GALNTL6: variants seen among roughly 807,000 people sequenced by gnomAD.
GALNTL6 encodes polypeptide N-acetylgalactosaminyltransferase-like 6.
Under a neutral mutation model 73.7 loss-of-function variants are expected in GALNTL6, and 46 were observed. The ratio of observed to expected loss-of-function variants is 0.62; its 90% confidence interval spans 0.49 to 0.80. The LOEUF is 0.80. Ranked by LOEUF, GALNTL6 falls within the 30% of genes least tolerant of loss-of-function variation. GALNTL6 has a pLI of 0.00. For synonymous variants in GALNTL6, 259 were observed against 263.7 expected (o/e 0.98, Z 0.17); for missense variants, 604 against 755.0 (o/e 0.80, Z 2.34).
At chr4:172,995,930 A>G (rs537776704) in intron 10 of GALNTL6, among the ~76,000 whole-genome samples, 4 of 152,340 alleles carry the variant, frequency 2.6e-5, no homozygotes, top group African/African-American at 9.6e-5. Flanking sequence ...CTGTTCCAAC[A>G]GGGCACTCAT....
At chr4:172,357,856 C>T (rs1331962539) in intron 5 of GALNTL6, among the ~76,000 whole-genome samples, 1 of 152,004 alleles carries the variant, frequency 6.6e-6, no homozygotes, top group African/African-American at 2.4e-5. Context: ...TTGACAGCTT[C>T]GACTTTTACA....
At chr4:172,069,448 A>T (rs149385055) in intron 2 of GALNTL6, among the ~76,000 whole-genome samples, 2,567 of 78,324 alleles carry the variant, frequency 0.033, 701 homozygotes, top group African/African-American at 0.097. Context: ...ATATATATGT[A>T]ATATATAACA....
intron 3 of GALNTL6, among the ~76,000 whole-genome samples, chr4:172,261,914 C>T (rs11934150): frequency 0.13 from 19,023 of 150,940 alleles, 1,295 homozygotes; most frequent in East Asian, 0.3. Context: ...TTACCATAAC[C>T]TGCTGTTATG....
chr4:172,601,455 A>T (rs1358809013), intron 5 of GALNTL6, among the ~76,000 whole-genome samples: 1 of 152,072 alleles, frequency 6.6e-6, no homozygotes, highest in Admixed American at 6.6e-5. Context: ...TGGATAAATC[A>T]CTGAAAATAG....
chr4:172,563,633 C>T (rs1253534118), intron 5 of GALNTL6, among the ~76,000 whole-genome samples: 3 of 152,168 alleles, frequency 2.0e-5, no homozygotes, highest in Non-Finnish European at 4.4e-5. Context: ...ATATTTTAAA[C>T]AGACAGTAGT....
chr4:171,888,618 C>G (rs1267266991), intron 2 of GALNTL6, among the ~76,000 whole-genome samples: 1 of 151,988 alleles, frequency 6.6e-6, no homozygotes, highest in Non-Finnish European at 1.5e-5. Flanking sequence ...TCTAAACAAG[C>G]CCTACCCACA....
chr4:172,948,963 T>C (rs1749306944), intron 9 of GALNTL6, among the ~76,000 whole-genome samples: 1 of 152,236 alleles, frequency 6.6e-6, no homozygotes, highest in Admixed American at 6.5e-5. Flanking sequence ...GCATTTATCA[T>C]GATCCTCTGA....
chr4:172,528,308 G>T (rs1281235848), intron 5 of GALNTL6, among the ~76,000 whole-genome samples: 1 of 130,896 alleles, frequency 7.6e-6, no homozygotes, highest in African/African-American at 3.0e-5. Flanking sequence ...CATTTGGCTT[G>T]CTAGAAATAA....
chr4:172,616,948 G>A (rs930951251), intron 5 of GALNTL6, among the ~76,000 whole-genome samples: 1 of 152,116 alleles, frequency 6.6e-6, no homozygotes, highest in Admixed American at 6.6e-5. Context: ...TTTCAGTGGA[G>A]GGACCTCTTA....
intron 9 of GALNTL6, among the ~76,000 whole-genome samples, chr4:172,943,322 T>C (rs1277872107): frequency 2.6e-5 from 4 of 152,268 alleles, no homozygotes; most frequent in South Asian, 4.1e-4. Context: ...TGGAAAAAGA[T>C]CTTCCAGCCC....
intron 3 of GALNTL6, among the ~76,000 whole-genome samples, chr4:172,263,525 T>C (rs1738325573): frequency 6.6e-6 from 1 of 151,360 alleles, no homozygotes; most frequent in Non-Finnish European, 1.5e-5. Context: ...ATATCCTGTA[T>C]TTTTTTAAAT....
At chr4:172,772,549 T>G (rs1019559995) in intron 5 of GALNTL6, among the ~76,000 whole-genome samples, 1 of 149,894 alleles carries the variant, frequency 6.7e-6, no homozygotes, top group Admixed American at 6.7e-5. Flanking sequence ...ACTGAGAAAT[T>G]TAGGGAAGTA....
At chr4:172,734,823 C>G (rs1280354142) in intron 5 of GALNTL6, among the ~76,000 whole-genome samples, 5 of 152,198 alleles carry the variant, frequency 3.3e-5, no homozygotes, top group African/African-American at 1.2e-4. Flanking sequence ...CCCAGCCGCT[C>G]CAGCCATGGC....
At chr4:172,725,031 G>A (rs867050064) in intron 5 of GALNTL6, among the ~76,000 whole-genome samples, 1 of 151,918 alleles carries the variant, frequency 6.6e-6, no homozygotes, top group South Asian at 2.1e-4. Context: ...AAATTTTCTG[G>A]GTTTTTTTCA....
chr4:172,499,644 G>A (rs1445965116), intron 5 of GALNTL6, among the ~76,000 whole-genome samples: 2 of 152,190 alleles, frequency 1.3e-5, no homozygotes, highest in Non-Finnish European at 2.9e-5. Flanking sequence ...TAATCAGAAG[G>A]TGGAATTAGC....
At chr4:172,430,136 T>C (rs1329705094) in intron 5 of GALNTL6, among the ~76,000 whole-genome samples, 2 of 151,900 alleles carry the variant, frequency 1.3e-5, no homozygotes, top group African/African-American at 2.4e-5. Context: ...ATATTAAAGC[T>C]AGTTGACCAT....
At chr4:172,756,293 AT>A (rs1418318064) in intron 5 of GALNTL6, among the ~76,000 whole-genome samples, 3 of 152,246 alleles carry the variant, frequency 2.0e-5, no homozygotes, top group Non-Finnish European at 2.9e-5. Flanking sequence ...AATTAAAAAA[AT>A]AATCATAGAA....
chr4:172,353,502 A>G (rs1161570209), intron 5 of GALNTL6, among the ~76,000 whole-genome samples: 1 of 152,256 alleles, frequency 6.6e-6, no homozygotes, highest in Admixed American at 6.5e-5. Context: ...CTTGGTAGAT[A>G]TCGCCATTTT....
intron 2 of GALNTL6, among the ~76,000 whole-genome samples, chr4:171,999,592 C>G (rs927966558): frequency 1.1e-4 from 16 of 152,074 alleles, no homozygotes; most frequent in African/African-American, 3.4e-4. Context: ...AGTTTGATTT[C>G]ATTTCCAGTG....
Sources: allele counts gnomAD v4.1 joint callset (sites outside exome capture counted in the v4.1 genomes callset), GRCh38; gene constraint gnomAD v4.1.1; transcripts MANE v1.5; gene names NCBI Gene and HGNC (gene_info 2026-07-23, HGNC 2026-07-21).